Variants in SERPINF1 observed in about 807,000 individuals in gnomAD.
The protein encoded by SERPINF1 is pigment epithelium-derived factor.
Under a neutral mutation model 37.3 loss-of-function variants are expected in SERPINF1, and 29 were observed. That is an observed-to-expected ratio of 0.78 (90% CI 0.58 to 1.06). SERPINF1 has a LOEUF of 1.06. Among genes scored for constraint, SERPINF1 ranks in the 50% least tolerant of loss-of-function variants. The pLI, the probability that SERPINF1 is intolerant of heterozygous loss-of-function variation, is 0.00. For missense variants in SERPINF1, 553 were observed against 532.2 expected (o/e 1.04, Z -0.38); for synonymous variants, 281 against 227.9 (o/e 1.23, Z -2.10).
chr17:1,765,124 T>G (rs946779284), intron 1 of SERPINF1, among the ~76,000 whole-genome samples: 20 of 148,944 alleles, frequency 1.3e-4, no homozygotes, highest in African/African-American at 4.9e-4. Flanking sequence ...GATTACAGGT[T>G]TGAGCCACTG....
chr17:1,770,114 A>C, intron 3 of SERPINF1, 64 bp downstream of exon 3: 1 of 1,557,614 alleles, frequency 6.4e-7, no homozygotes, highest in South Asian at 1.1e-5. Context: ...CCTCTGCGTA[A>C]ACGTGGCTGA....
At chr17:1,771,267 G>C in intron 4 of SERPINF1, 83 bp downstream of exon 4, 1 of 1,268,282 alleles carries the variant, frequency 7.9e-7, no homozygotes, top group Non-Finnish European at 1.0e-6. Flanking sequence ...TTTTTTTTTT[G>C]AGACGGAGTC....
At chr17:1,767,140 A>G (rs1301887371) in intron 2 of SERPINF1, 146 bp downstream of exon 2, 2 of 657,138 alleles carry the variant, frequency 3.0e-6, no homozygotes, top group Non-Finnish European at 5.2e-6. Flanking sequence ...CTCCAGCAGC[A>G]AAACAGAGAG....
intron 6 of SERPINF1, among the ~76,000 whole-genome samples, chr17:1,775,891 A>G (rs1329265295): frequency 6.6e-6 from 1 of 152,210 alleles, no homozygotes; most frequent in East Asian, 1.9e-4. Context: ...CTAAGTCTGT[A>G]ACTGTTAACC....
At chr17:1,764,953 C>T (rs1369645504) in intron 1 of SERPINF1, among the ~76,000 whole-genome samples, 3 of 149,416 alleles carry the variant, frequency 2.0e-5, no homozygotes, top group Non-Finnish European at 2.9e-5. Flanking sequence ...AAGTGATTCT[C>T]CTGCCTTAGC....
chr17:1,774,952 T>TC (rs752264649), intron 5 of SERPINF1, 106 bp from the exon 6 acceptor site: 13 of 1,425,890 alleles, frequency 9.1e-6, no homozygotes, highest in Non-Finnish European at 1.3e-5. Context: ...ACAGCTAAGC[T>TC]CCCTTGAGTG....
At chr17:1,762,449 C>T (rs1907143982) in intron 1 of SERPINF1, among the ~76,000 whole-genome samples, 1 of 152,156 alleles carries the variant, frequency 6.6e-6, no homozygotes, top group South Asian at 2.1e-4. Flanking sequence ...GCTGCTGGGT[C>T]GGGTCTGAGC....
intron 2 of SERPINF1, among the ~76,000 whole-genome samples, chr17:1,768,623 T>G (rs28830799): frequency 0.4 from 60,165 of 149,492 alleles, 14,778 homozygotes; most frequent in African/African-American, 0.7. Context: ...ACAGGCACGT[T>G]CCACCACGCC....
At chr17:1,771,845 G>A (rs771620153) in intron 4 of SERPINF1, 27 bp from the exon 5 acceptor site, 11 of 1,605,224 alleles carry the variant, frequency 6.9e-6, no homozygotes, top group African/African-American at 4.0e-5. Flanking sequence ...AGTCTCATAC[G>A]CTAACCTCTG....
chr17:1,766,711 G>A, intron 1 of SERPINF1, 192 bp from the exon 2 acceptor site: 1 of 594,948 alleles, frequency 1.7e-6, no homozygotes, highest in Non-Finnish European at 3.0e-6. Context: ...AACCTTGCTG[G>A]GAGGGATGGG....
Position 1,776,624 on chromosome 17 carries a change from C to A in SERPINF1, c.879C>A (p.Leu293=). The A allele has an allele frequency of 6.2e-7, 1 of 1,614,080 alleles. No individual in the cohort carries two copies. Among genetic ancestry groups the A allele is most frequent in the Non-Finnish European group, 8.5e-7 (1 of 1,180,028 alleles). The part of the protein sequence containing the change: ...TQNLTLIEES[L]TSEFIHDIDR... ...ATTTGACCTTGATAGAGGAGAGCCTCACCTCCGAGTTCATTCATGACATAG... is the reference window on the plus strand; with the variant it reads ...ATTTGACCTTGATAGAGGAGAGCCTAACCTCCGAGTTCATTCATGACATAG... Residue 293 remains leucine (L), a synonymous_variant, in exon 7 of 8, where the codon CTC becomes CTA. Transcript: ENST00000254722.
At chr17:1,764,557 C>T (rs966470689) in intron 1 of SERPINF1, among the ~76,000 whole-genome samples, 6 of 152,252 alleles carry the variant, frequency 3.9e-5, no homozygotes, top group East Asian at 1.9e-4. Context: ...GAAAGAAAAC[C>T]AGGCTGCTTC....
chr17:1,775,037 A>T lies in SERPINF1; in HGVS notation c.644-21A>T, dbSNP rs373059164. 9.2e-5 allele frequency: 149 copies of T among 1,614,062 alleles called. No individual in the cohort carries two copies. The African/African-American group carries it at 1.6e-3, about 17-fold the overall frequency. ...TTTCTGGTCTCCTGGGGCTCAGACT[A>T]TGTCATACACTTCTTTCCAGGGCAG... On this transcript the variant is annotated intron_variant, in intron 5 of 7. Transcript: ENST00000254722.
At chr17:1,772,565 T>TTTAAATTAAG (rs1555572317) in intron 5 of SERPINF1, among the ~76,000 whole-genome samples, 6 of 147,026 alleles carry the variant, frequency 4.1e-5, no homozygotes, top group African/African-American at 1.0e-4. Flanking sequence ...TACATTTATT[T>TTTAAATTAAG]ATTTATTTTT....
chr17:1,764,708 C>T (rs1196983253), intron 1 of SERPINF1, among the ~76,000 whole-genome samples: 4 of 152,194 alleles, frequency 2.6e-5, no homozygotes, highest in Non-Finnish European at 4.4e-5. Flanking sequence ...ATTTTCTGAT[C>T]CACTTTGTTC....
rs1350443885 is a variant in SERPINF1 at position 1,771,930 on chromosome 17, C to T, written c.498C>T (p.Pro166=). ...TGGAAAAGTCATATGGGACCAGGCC[C>T]AGAGTCCTGACGGGCAACCCTCGCT... is the stretch of plus-strand genomic sequence containing the variant. ...APLEKSYGTR[P]RVLTGNPRLD... is the part of the protein sequence containing the mutation. The change falls in exon 5 of 8, where the codon CCC becomes CCT. Residue 166 remains proline (P), a synonymous_variant. Transcript: ENST00000254722. The T allele has an allele frequency of 1.2e-6, 2 of 1,614,048 alleles. No homozygotes were observed. The highest frequency in any genetic ancestry group is 1.3e-5 in the African/African-American group (1 of 75,028).
chr17:1,777,213 G>C lies in SERPINF1; in HGVS notation c.1024G>C (p.Asp342His), dbSNP rs753891181. The C allele has an allele frequency of 2.5e-6, 4 of 1,614,110 alleles. No homozygotes were observed. The highest frequency in any genetic ancestry group is 1.3e-5 in the African/African-American group (1 of 75,022). The change falls in exon 8 of 8, where the codon GAC becomes CAC. Residue 342 changes from aspartate (D) to histidine (H), a missense_variant. Transcript: ENST00000254722. ...MKLQSLFDSP[D>H]FSKITGKPIK... ...GCTGCAATCCTTGTTTGATTCACCAGACTTTAGCAAGATCACAGGCAAACC... is the reference window on the plus strand; with the variant it reads ...GCTGCAATCCTTGTTTGATTCACCACACTTTAGCAAGATCACAGGCAAACC...
intron 6 of SERPINF1, 29 bp downstream of exon 6, chr17:1,775,229 G>C: frequency 6.2e-7 from 1 of 1,603,112 alleles, no homozygotes; most frequent in Non-Finnish European, 8.5e-7. Context: ...AGGGTGGGGG[G>C]TGGATGGAGG....
Position 1,775,092 on chromosome 17 carries a change from T to G in SERPINF1, c.678T>G (p.Thr226=), listed in dbSNP as rs750124040. 2 of 1,614,104 alleles carry G rather than the reference T, an allele frequency of 1.2e-6. No individual in the cohort carries two copies. The highest frequency in any genetic ancestry group is 1.7e-6 in the Non-Finnish European group (2 of 1,180,012). The change falls in exon 6 of 8, where the codon ACT becomes ACG. Residue 226 remains threonine, a synonymous_variant. Coordinates refer to ENST00000254722, the MANE Select transcript of SERPINF1 (RefSeq NM_002615.7). ...QWVTKFDSRK[T]SLEDFYLDEE... ...TAACAAAGTTTGACTCCAGAAAGAC[T>G]TCCCTCGAGGATTTCTACTTGGATG...
Sources: allele counts gnomAD v4.1 joint callset (sites outside exome capture counted in the v4.1 genomes callset), GRCh38; gene constraint gnomAD v4.1.1; transcripts MANE v1.5; gene names NCBI Gene and HGNC (gene_info 2026-07-23, HGNC 2026-07-21).